The following RNF216 variants were observed in gnomAD, a reference collection of about 807,000 sequenced individuals.
RNF216 encodes ring finger protein 216.
Under a neutral mutation model 110.8 loss-of-function variants are expected in RNF216, and 72 were observed. The observed-to-expected ratio is 0.65, with a 90% CI of 0.54 to 0.79. The LOEUF is 0.79. Among genes scored for constraint, RNF216 ranks in the 30% least tolerant of loss-of-function variants. The pLI is 0.00. For synonymous variants in RNF216, 495 were observed against 407.5 expected, an observed-to-expected ratio of 1.21 and a Z score of -2.59; for missense variants, 1,342 against 1,141.2, an observed-to-expected ratio of 1.18 and a Z score of -2.54.
chr7:5,770,107 G>A (rs1431437520), intron 1 of RNF216, among the ~76,000 whole-genome samples: 1 of 150,164 alleles, frequency 6.7e-6, no homozygotes, highest in Non-Finnish European at 1.5e-5. Context: ...ACCACTTTGG[G>A]AGGCTGAGGC....
intron 1 of RNF216, among the ~76,000 whole-genome samples, chr7:5,776,420 TAAAA>T (rs76385326): frequency 1.5e-5 from 2 of 134,840 alleles, no homozygotes; most frequent in African/African-American, 2.7e-5. Flanking sequence ...CGTCTCTACT[TAAAA>T]AAAAAAAAAA....
At chr7:5,700,452 G>C (rs1791891699) in intron 13 of RNF216, among the ~76,000 whole-genome samples, 1 of 152,126 alleles carries the variant, frequency 6.6e-6, no homozygotes, top group Admixed American at 6.5e-5. Context: ...TCTCTCCCTT[G>C]ATGAGGCCAC....
intron 14 of RNF216, chr7:5,649,999 G>A (rs950234921): frequency 7.2e-5 from 11 of 152,206 alleles, no homozygotes; most frequent in Non-Finnish European, 1.0e-4. Flanking sequence ...GATAGAACCT[G>A]GTGAACAGGA....
chr7:5,769,708 T>G (rs564314766), intron 1 of RNF216, among the ~76,000 whole-genome samples: 7 of 148,258 alleles, frequency 4.7e-5, no homozygotes, highest in African/African-American at 1.5e-4. Context: ...TGGGAGACAG[T>G]GAGAGCTGTC....
At chr7:5,752,153 CCA>C (rs1795366431) in intron 3 of RNF216, among the ~76,000 whole-genome samples, 1 of 151,630 alleles carries the variant, frequency 6.6e-6, no homozygotes, top group East Asian at 1.9e-4. Flanking sequence ...CCACTGCACT[CCA>C]GTCTGGGAAA....
chr7:5,628,023 G>A (rs1396381546), intron 15 of RNF216, among the ~76,000 whole-genome samples: 3 of 152,134 alleles, frequency 2.0e-5, no homozygotes, highest in Non-Finnish European at 2.9e-5. Flanking sequence ...ACAGATCGGC[G>A]GGGTCTGGAG....
At chr7:5,642,045 AG>A (rs372656015) in intron 14 of RNF216, among the ~76,000 whole-genome samples, 10,923 of 126,216 alleles carry the variant, frequency 0.087, 1,344 homozygotes, top group African/African-American at 0.25. Context: ...AAAAAAAAAA[AG>A]AAAAAAAAAA....
intron 5 of RNF216, among the ~76,000 whole-genome samples, chr7:5,738,817 A>G (rs1794588743): frequency 6.6e-6 from 1 of 152,234 alleles, no homozygotes; most frequent in African/African-American, 2.4e-5. Flanking sequence ...CATCTTGACT[A>G]AAACACAGGT....
At chr7:5,671,117 G>A (rs947143718) in intron 13 of RNF216, among the ~76,000 whole-genome samples, 1 of 152,208 alleles carries the variant, frequency 6.6e-6, no homozygotes, top group Non-Finnish European at 1.5e-5. Context: ...CCTCACCAGA[G>A]GCAATATGCC....
intron 1 of RNF216, among the ~76,000 whole-genome samples, chr7:5,781,228 C>T (rs1001890983): frequency 6.6e-6 from 1 of 152,156 alleles, no homozygotes; most frequent in Non-Finnish European, 1.5e-5. Context: ...GCGCGGTCTC[C>T]CGGGCTGTTG....
At chr7:5,734,608 C>CTTTCCTCACTGTAATG (rs201100224) in intron 5 of RNF216, among the ~76,000 whole-genome samples, 2 of 136,944 alleles carry the variant, frequency 1.5e-5, no homozygotes, top group African/African-American at 6.7e-5. Context: ...AAATGGCTTT[C>CTTTCCTCACTGTAATG]AAGGTTAAAT....
Position 5,748,528 on chromosome 7 carries a change from C to T in RNF216, c.201+4318G>A, listed in dbSNP as rs186966932. 1.0e-3 allele frequency among the ~76,000 whole-genome samples: 159 copies of T among 152,140 alleles called. 1 individual carries two copies. Among genetic ancestry groups the T allele is most frequent in the Non-Finnish European group, 2.0e-3 (138 of 68,008 alleles). ...AAGTGCTGGGATTATAGGCGTGAGCCACCGTGTCCAGTTTCTTTATGATTT... is the reference window on the plus strand; with the variant it reads ...AAGTGCTGGGATTATAGGCGTGAGCTACCGTGTCCAGTTTCTTTATGATTT... On this transcript the variant is annotated intron_variant, in intron 3 of 16. Coordinates refer to ENST00000389902, the MANE Select transcript of RNF216 (RefSeq NM_207111.4).
At chr7:5,751,298 T>G (rs1420863278) in intron 3 of RNF216, among the ~76,000 whole-genome samples, 1 of 152,216 alleles carries the variant, frequency 6.6e-6, no homozygotes, top group African/African-American at 2.4e-5. Context: ...CCCGAAGGTT[T>G]GGTCAGGTCC....
chr7:5,681,968 A>G (rs1415635399), intron 13 of RNF216, among the ~76,000 whole-genome samples: 1 of 152,214 alleles, frequency 6.6e-6, no homozygotes. Context: ...CCTGTGCCAC[A>G]GCAACCTTAG....
chr7:5,767,747 C>A (rs1462300295), intron 1 of RNF216, among the ~76,000 whole-genome samples: 1 of 152,050 alleles, frequency 6.6e-6, no homozygotes, highest in Non-Finnish European at 1.5e-5. Flanking sequence ...TACAGGCACA[C>A]GCCACCATGC....
Position 5,776,736 on chromosome 7 carries a change from T to TA in RNF216, c.-70+4804dup, listed in dbSNP as rs951603883. ...AAAGCACAGCAGCCCCTGACTCTAC[T>TA]AAAAAAATACAAAAATTAGCTGGGT... is the stretch of plus-strand genomic sequence containing the variant. On this transcript the variant is annotated intron_variant, in intron 1 of 16. Transcript: ENST00000389902. 8.0e-5 allele frequency among the ~76,000 whole-genome samples: 12 copies of TA among 149,956 alleles called. 1 individual carries two copies. In the South Asian group the frequency reaches 1.9e-3, roughly 24 times the overall value.
intron 13 of RNF216, among the ~76,000 whole-genome samples, chr7:5,673,078 T>A (rs1790025983): frequency 6.6e-6 from 1 of 152,164 alleles, no homozygotes; most frequent in Non-Finnish European, 1.5e-5. Flanking sequence ...GGGGCCTATG[T>A]GCACGGTGTG....
chr7:5,723,787 G>C (rs1793591356), intron 8 of RNF216, among the ~76,000 whole-genome samples: 2 of 152,212 alleles, frequency 1.3e-5, no homozygotes, highest in African/African-American at 4.8e-5. Flanking sequence ...CCAAAGAGCA[G>C]TGTTTAGACG....
intron 10 of RNF216, among the ~76,000 whole-genome samples, chr7:5,715,867 G>C (rs183051117): frequency 6.7e-6 from 1 of 150,316 alleles, no homozygotes; most frequent in South Asian, 2.1e-4. Flanking sequence ...TCAGCCTCCC[G>C]AGTAGTGGGG....
Sources: gnomAD v4.1 joint callset for allele counts (sites outside exome capture counted in the v4.1 genomes callset) on GRCh38, gnomAD v4.1.1 for gene constraint, MANE v1.5 for transcripts, NCBI Gene and HGNC (gene_info 2026-07-23, HGNC 2026-07-21) for gene names.